BCAT1: variants seen among roughly 807,000 people sequenced by gnomAD.
The protein encoded by BCAT1 is branched chain amino acid transaminase 1.
Under a neutral mutation model 52.4 loss-of-function variants are expected in BCAT1, and 48 were observed. That is an observed-to-expected ratio of 0.92 (90% CI 0.73 to 1.16). The LOEUF (loss-of-function observed/expected upper bound fraction) is 1.16, where lower values mean the gene tolerates loss of function less well. Ranked by LOEUF, BCAT1 falls within the 50% of genes most tolerant of loss-of-function variation. The pLI is 0.00. For synonymous variants in BCAT1, 167 were observed against 161.3 expected, an observed-to-expected ratio of 1.04 and a Z score of -0.27; for missense variants, 451 against 457.1, an observed-to-expected ratio of 0.99 and a Z score of 0.12.
chr12:24,876,477 T>G (rs1037885820), intron 5 of BCAT1, among the ~76,000 whole-genome samples: 1 of 152,070 alleles, frequency 6.6e-6, no homozygotes, highest in Non-Finnish European at 1.5e-5. Context: ...AATAATGTAA[T>G]AAAGTACAAA....
intron 3 of BCAT1, among the ~76,000 whole-genome samples, chr12:24,889,952 G>A (rs566211277): frequency 3.3e-5 from 5 of 152,156 alleles, no homozygotes; most frequent in Non-Finnish European, 7.4e-5. Context: ...GTGAGCTTCC[G>A]GATAGCAGAA....
rs554530983 is a variant in BCAT1 at position 24,932,377 on chromosome 12, C to A, written c.6+16550G>T. On this transcript the variant is annotated intron_variant, in intron 1 of 10. Transcript: ENST00000261192. The stretch of plus-strand genomic sequence containing the variant: ...GTTCCATATGCATGGGACACTCTTA[C>A]CTCCAGACCATGGTACTCAGGTGTC... 5.9e-5 allele frequency among the ~76,000 whole-genome samples: 9 copies of A among 152,294 alleles called. No individual in the cohort carries two copies. The East Asian group carries it at 1.7e-3, about 29-fold the overall frequency.
chr12:24,883,399 G>C (rs536574433), intron 3 of BCAT1, among the ~76,000 whole-genome samples: 1 of 152,060 alleles, frequency 6.6e-6, no homozygotes. Flanking sequence ...TGAGGGTAGC[G>C]GTGTAAATTA....
At chr12:24,935,316 C>G (rs1275588407) in intron 1 of BCAT1, among the ~76,000 whole-genome samples, 6 of 152,186 alleles carry the variant, frequency 3.9e-5, no homozygotes, top group Admixed American at 6.5e-5. Context: ...TGGAGAGAGT[C>G]AGGGATATGG....
intron 3 of BCAT1, among the ~76,000 whole-genome samples, chr12:24,887,092 T>A (rs1245801416): frequency 0.022 from 1,543 of 70,046 alleles, 29 homozygotes; most frequent in African/African-American, 0.038. Flanking sequence ...TATATATATA[T>A]ATATATATAT....
At chr12:24,890,977 T>C (rs1591844441) in intron 3 of BCAT1, among the ~76,000 whole-genome samples, 1 of 152,176 alleles carries the variant, frequency 6.6e-6, no homozygotes, top group South Asian at 2.1e-4. Context: ...CACTGCTTGG[T>C]GGTGGGGAGA....
rs1371022796 is a variant in BCAT1 at position 24,813,990 on chromosome 12, T to G, written c.*4018A>C. On this transcript the variant is annotated 3_prime_UTR_variant, in exon 11 of 11. Transcript: ENST00000261192. ...TATCAAATGAACTATTAATAGAGTCTTCATCATCTTTGCCAAGTAATAGGT... is the reference window on the plus strand; with the variant it reads ...TATCAAATGAACTATTAATAGAGTCGTCATCATCTTTGCCAAGTAATAGGT... The G allele has an allele frequency of 2.6e-5, 4 of 152,138 alleles. No homozygotes were observed. The highest frequency in any genetic ancestry group is 7.2e-5 in the African/African-American group (3 of 41,452). 9.4% of individuals were successfully genotyped at this position (152,138 alleles called of 1,614,324 possible).
chr12:24,869,701 G>C (rs186105643), intron 5 of BCAT1, among the ~76,000 whole-genome samples: 6 of 152,248 alleles, frequency 3.9e-5, no homozygotes, highest in Admixed American at 3.9e-4. Flanking sequence ...GGAGATGGGG[G>C]GACATAAAGA....
chr12:24,881,544 A>G (rs1942497859), intron 3 of BCAT1, 133 bp from the exon 4 acceptor site: 1 of 606,414 alleles, frequency 1.6e-6, no homozygotes, highest in African/African-American at 1.9e-5. Context: ...ACTTGAGATC[A>G]TTAAATCCAG....
Position 24,901,253 on chromosome 12 carries a change from AAAG to A in BCAT1, c.78+558_78+560del, listed in dbSNP as rs146327476. Among the ~76,000 whole-genome samples the A allele has an allele frequency of 8.7e-4, 133 of 152,376 alleles. 1 individual carries two copies. The highest frequency in any genetic ancestry group is 2.8e-3 in the African/African-American group (116 of 41,590). On this transcript the variant is annotated intron_variant, in intron 2 of 10. Coordinates refer to ENST00000261192, the MANE Select transcript of BCAT1 (RefSeq NM_005504.7). Reference sequence around the variant, plus strand: ...GGCAGAAGAGCAGCACTAGGCATAAAAAGAAGAAGCTAAAACCTCCACGAGGAG... The same window carrying A: ...GGCAGAAGAGCAGCACTAGGCATAAAAAGAAGCTAAAACCTCCACGAGGAG...
chr12:24,926,362 C>A (rs9668094), intron 1 of BCAT1, among the ~76,000 whole-genome samples: 1 of 151,728 alleles, frequency 6.6e-6, no homozygotes, highest in Non-Finnish European at 1.5e-5. Flanking sequence ...TGGCCAGCCG[C>A]CCCGTCCGGG....
intron 1 of BCAT1, among the ~76,000 whole-genome samples, chr12:24,908,245 A>G (rs1313065946): frequency 6.6e-6 from 1 of 152,028 alleles, no homozygotes; most frequent in Non-Finnish European, 1.5e-5. Flanking sequence ...TACAGTCATA[A>G]TAAGGACTTT....
chr12:24,897,648 G>A (rs1942991117), intron 2 of BCAT1, among the ~76,000 whole-genome samples: 1 of 152,160 alleles, frequency 6.6e-6, no homozygotes. Flanking sequence ...CCGCCTCCCA[G>A]GTTCAAGTGA....
At chr12:24,897,773 C>T (rs1217117324) in intron 2 of BCAT1, among the ~76,000 whole-genome samples, 45 of 152,134 alleles carry the variant, frequency 3.0e-4, no homozygotes, top group Admixed American at 2.9e-3. Context: ...AGGCTGGTCT[C>T]GAACTCCTGA....
At position 24,812,795 on chromosome 12, in the gene BCAT1, G is replaced by A. The variant is rs1390758352; in HGVS notation, c.*5213C>T. ...CCAATAGTGAGCAACAGGAAACCTA[G>A]CCATTGTGATAGTGGATATGTAGAG... On this transcript the variant is annotated 3_prime_UTR_variant, in exon 11 of 11. Coordinates refer to ENST00000261192, the MANE Select transcript of BCAT1 (RefSeq NM_005504.7). The A allele has an allele frequency of 2.0e-5, 3 of 151,908 alleles. No homozygotes were observed. Among genetic ancestry groups the A allele is most frequent in the Admixed American group, 6.6e-5 (1 of 15,240 alleles). The allele number at this position is 151,908 out of a possible 1,614,324, so 9.4% of individuals were successfully genotyped here.
intron 5 of BCAT1, among the ~76,000 whole-genome samples, chr12:24,878,158 CAGAG>C (rs1310349645): frequency 6.6e-6 from 1 of 150,754 alleles, no homozygotes; most frequent in Non-Finnish European, 1.5e-5. Flanking sequence ...AAAAAAAAAC[CAGAG>C]AGAGACCTCA....
intron 1 of BCAT1, among the ~76,000 whole-genome samples, chr12:24,935,352 G>A (rs750396652): frequency 6.6e-6 from 1 of 152,174 alleles, no homozygotes; most frequent in Non-Finnish European, 1.5e-5. Context: ...GGCCAGGAAA[G>A]AGAGCTCTAC....
At chr12:24,883,388 C>G (rs1296294462) in intron 3 of BCAT1, among the ~76,000 whole-genome samples, 1 of 152,054 alleles carries the variant, frequency 6.6e-6, no homozygotes, top group Non-Finnish European at 1.5e-5. Context: ...CCCTTGTATA[C>G]TGAGGGTAGC....
intron 5 of BCAT1, among the ~76,000 whole-genome samples, chr12:24,857,089 T>A (rs376618366): frequency 1.8e-4 from 28 of 152,334 alleles, no homozygotes; most frequent in African/African-American, 6.3e-4. Flanking sequence ...TGCAGCTCAG[T>A]AACTAAGGCT....
Sources: allele counts gnomAD v4.1 joint callset (sites outside exome capture counted in the v4.1 genomes callset), GRCh38; gene constraint gnomAD v4.1.1; transcripts MANE v1.5; gene names NCBI Gene and HGNC (gene_info 2026-07-23, HGNC 2026-07-21).